The following CNTN5 variants were observed in gnomAD, a reference collection of about 807,000 sequenced individuals.
CNTN5 encodes the protein contactin-5.
CNTN5 carries 77 observed loss-of-function variants against 129.1 expected under a neutral mutation model. That is an observed-to-expected ratio of 0.60 (90% CI 0.50 to 0.72). The LOEUF (loss-of-function observed/expected upper bound fraction) is 0.72. CNTN5 is among the 30% of genes least tolerant of loss of function. CNTN5 has a pLI of 0.00. For synonymous variants in CNTN5, 509 were observed against 465.6 expected (o/e 1.09, Z -1.20); for missense variants, 1,478 against 1,328.8 (o/e 1.11, Z -1.75).
intron 1 of CNTN5, among the ~76,000 whole-genome samples, chr11:99,094,584 A>T (rs1241620303): frequency 6.6e-6 from 1 of 152,046 alleles, no homozygotes; most frequent in Non-Finnish European, 1.5e-5. Context: ...AACATGTGGC[A>T]TACAGAAGAC....
chr11:100,164,055 A>G (rs933212334), intron 13 of CNTN5, among the ~76,000 whole-genome samples: 5 of 151,844 alleles, frequency 3.3e-5, no homozygotes, highest in Non-Finnish European at 7.4e-5. Context: ...TTTAAAAACT[A>G]GGACTAGCCT....
rs539472912 is a variant in CNTN5, at chr11:99,992,426, T to C, written c.878-9608T>C. 8.5e-5 allele frequency among the ~76,000 whole-genome samples: 13 copies of C among 152,296 alleles called. No homozygotes were observed. The South Asian group carries it at 2.7e-3, about 32-fold the overall frequency. ...ATGTTTGACAGCATGACTCTCTGCATGCCGTTTTTCAGACATTTTAGTCAG... is the reference window on the plus strand; with the variant it reads ...ATGTTTGACAGCATGACTCTCTGCACGCCGTTTTTCAGACATTTTAGTCAG... On this transcript the variant is annotated intron_variant, in intron 8 of 24. Coordinates refer to ENST00000524871, the MANE Select transcript of CNTN5 (RefSeq NM_014361.4).
At chr11:99,763,170 A>G (rs1412786878) in intron 3 of CNTN5, among the ~76,000 whole-genome samples, 1 of 152,074 alleles carries the variant, frequency 6.6e-6, no homozygotes, top group African/African-American at 2.4e-5. Flanking sequence ...ATTTACTTAA[A>G]TGTATTTGTA....
At position 99,897,002 on chromosome 11, in the gene CNTN5, G is replaced by A. The variant is rs115173874; in HGVS notation, c.578-19052G>A. ...AGTTCTGCCAGTGACCCGGGTACCA[G>A]CCCATCCCTCCCCATCATAGCGAGC... On this transcript the variant is annotated intron_variant, in intron 6 of 24. Transcript: ENST00000524871. Among the ~76,000 whole-genome samples, 1,079 of 152,140 alleles carry A rather than the reference G, an allele frequency of 7.1e-3. 14 individuals are homozygous for A. The highest frequency in any genetic ancestry group is 0.025 in the African/African-American group (1,028 of 41,472).
chr11:99,416,422 A>C (rs1043180868), intron 2 of CNTN5, among the ~76,000 whole-genome samples: 10 of 152,098 alleles, frequency 6.6e-5, no homozygotes, highest in African/African-American at 2.4e-4. Flanking sequence ...CTAGGACTAC[A>C]GGCAAGCATC....
chr11:99,557,237 G>T (rs776505259), intron 3 of CNTN5, among the ~76,000 whole-genome samples: 6 of 150,840 alleles, frequency 4.0e-5, no homozygotes, highest in Non-Finnish European at 8.9e-5. Context: ...TGCAAATATT[G>T]ATATAAATAC....
intron 2 of CNTN5, among the ~76,000 whole-genome samples, chr11:99,345,742 G>C (rs1006662529): frequency 6.6e-6 from 1 of 152,126 alleles, no homozygotes; most frequent in African/African-American, 2.4e-5. Flanking sequence ...ATATATATTT[G>C]TTGCTATGCA....
rs1478368845 is a variant in CNTN5, at chr11:100,002,029, C to T, written c.878-5C>T. The T allele has an allele frequency of 1.7e-5, 26 of 1,563,358 alleles. No individual in the cohort carries two copies. In the East Asian group the frequency reaches 6.0e-4, roughly 36 times the overall value. On this transcript the variant is annotated splice_region_variant and splice_polypyrimidine_tract_variant and intron_variant, in intron 8 of 24. Transcript: ENST00000524871. The stretch of plus-strand genomic sequence containing the variant: ...GATGCTTAAAGACTATTCTTTCTTT[C>T]TAAGGTGTGATGGGAGAATATGAGC...
chr11:99,412,983 T>C (rs916441535), intron 2 of CNTN5, among the ~76,000 whole-genome samples: 1 of 152,228 alleles, frequency 6.6e-6, no homozygotes, highest in Admixed American at 6.5e-5. Context: ...TTTGACTTTA[T>C]GACTTTATTA....
intron 3 of CNTN5, among the ~76,000 whole-genome samples, chr11:99,709,022 C>A (rs1954864595): frequency 6.6e-6 from 1 of 151,840 alleles, no homozygotes; most frequent in East Asian, 1.9e-4. Context: ...AAACGCAAAG[C>A]TGTTTTTGCC....
At chr11:99,786,486 A>C (rs1945528597) in intron 3 of CNTN5, among the ~76,000 whole-genome samples, 1 of 152,212 alleles carries the variant, frequency 6.6e-6, no homozygotes, top group Non-Finnish European at 1.5e-5. Flanking sequence ...CTTTCTTCAC[A>C]GAATTAGAAA....
At chr11:99,890,509 A>G (rs1286366482) in intron 6 of CNTN5, among the ~76,000 whole-genome samples, 1 of 152,066 alleles carries the variant, frequency 6.6e-6, no homozygotes, top group Non-Finnish European at 1.5e-5. Context: ...AAGTCTATAT[A>G]CATATATGAC....
Position 99,033,865 on chromosome 11 carries a change from T to G in CNTN5, c.-210+12595T>G, listed in dbSNP as rs576028922. Among the ~76,000 whole-genome samples, 36 of 151,512 alleles carry G rather than the reference T, an allele frequency of 2.4e-4. No homozygotes were observed. The East Asian group carries it at 7.0e-3, about 29-fold the overall frequency. On this transcript the variant is annotated intron_variant, in intron 1 of 24. Transcript: ENST00000524871. ...TTGTGCCAGTTTTCAAAGGGAATGC[T>G]TCCAGTTTTTGCCCATTCAGTATGA...
At chr11:100,055,049 A>G (rs1051586611) in intron 9 of CNTN5, among the ~76,000 whole-genome samples, 17 of 143,154 alleles carry the variant, frequency 1.2e-4, no homozygotes, top group Admixed American at 4.9e-4. Context: ...AAAAAAAAAA[A>G]AAGGCAAATG....
chr11:99,575,891 T>C (rs1432244294), intron 3 of CNTN5, among the ~76,000 whole-genome samples: 2 of 152,138 alleles, frequency 1.3e-5, no homozygotes. Flanking sequence ...GTCTTAGAAC[T>C]AAGCAGCATG....
intron 7 of CNTN5, among the ~76,000 whole-genome samples, chr11:99,956,528 A>G (rs972693222): frequency 1.5e-5 from 2 of 136,190 alleles, no homozygotes; most frequent in African/African-American, 5.1e-5. Flanking sequence ...TTTCAGTGTT[A>G]TCATAGTTCT....
At chr11:99,132,527 T>G (rs571294632) in intron 1 of CNTN5, among the ~76,000 whole-genome samples, 1 of 152,108 alleles carries the variant, frequency 6.6e-6, no homozygotes, top group Non-Finnish European at 1.5e-5. Flanking sequence ...CCCAAAAGCT[T>G]CTTTAGCTGA....
At chr11:99,982,983 G>A (rs1450207494) in intron 8 of CNTN5, among the ~76,000 whole-genome samples, 1 of 152,242 alleles carries the variant, frequency 6.6e-6, no homozygotes, top group South Asian at 2.1e-4. Flanking sequence ...GGACCATGGA[G>A]GGCCCAAAGA....
intron 1 of CNTN5, among the ~76,000 whole-genome samples, chr11:99,078,798 G>A (rs1485659446): frequency 6.6e-6 from 1 of 152,094 alleles, no homozygotes; most frequent in African/African-American, 2.4e-5. Context: ...GCTGGGAAGG[G>A]AGTGAAATGG....
Sources: allele counts gnomAD v4.1 joint callset (sites outside exome capture counted in the v4.1 genomes callset), GRCh38; gene constraint gnomAD v4.1.1; transcripts MANE v1.5; gene names NCBI Gene and HGNC (gene_info 2026-07-23, HGNC 2026-07-21).